The following THADA variants were observed in gnomAD, a reference collection of about 807,000 sequenced individuals.
THADA encodes THADA armadillo repeat containing.
Under a neutral mutation model 219.8 loss-of-function variants are expected in THADA, and 213 were observed. That is an observed-to-expected ratio of 0.97 (90% CI 0.87 to 1.09). The LOEUF is 1.09. THADA is among the 50% of genes least tolerant of loss of function. The pLI, the probability that THADA is intolerant of heterozygous loss-of-function variation, is 0.00. For missense variants in THADA, 2,956 were observed against 2,311.3 expected (o/e 1.28, Z -5.72); for synonymous variants, 1,018 against 828.9 (o/e 1.23, Z -3.92).
intron 25 of THADA, among the ~76,000 whole-genome samples, chr2:43,487,323 T>C (rs754753273): frequency 3.9e-5 from 6 of 152,198 alleles, no homozygotes; most frequent in Non-Finnish European, 7.3e-5. Context: ...GACTCCATCT[T>C]GCCCTAAGCC....
chr2:43,282,989 T>C (rs1010527079), intron 35 of THADA, among the ~76,000 whole-genome samples: 3 of 152,162 alleles, frequency 2.0e-5, no homozygotes, highest in African/African-American at 7.2e-5. Context: ...TCATGTTGAA[T>C]TGGAGTGGAT....
At chr2:43,457,755 G>C (rs1683192463) in intron 26 of THADA, among the ~76,000 whole-genome samples, 1 of 152,048 alleles carries the variant, frequency 6.6e-6, no homozygotes, top group South Asian at 2.1e-4. Flanking sequence ...AATTCAAATT[G>C]TTTTTGCTTC....
At chr2:43,430,106 A>G (rs1404159363) in intron 27 of THADA, 107 bp downstream of exon 27, 1 of 559,322 alleles carries the variant, frequency 1.8e-6, no homozygotes, top group African/African-American at 2.0e-5. Flanking sequence ...AACAAATTTA[A>G]AAAAGGGAAG....
At chr2:43,532,525 G>T (rs1268920166) in intron 21 of THADA, among the ~76,000 whole-genome samples, 1 of 151,010 alleles carries the variant, frequency 6.6e-6, no homozygotes, top group African/African-American at 2.4e-5. Context: ...AATAAATGTA[G>T]AAAAGGCCTT....
At chr2:43,465,218 A>G (rs1376878537) in intron 26 of THADA, among the ~76,000 whole-genome samples, 9 of 152,226 alleles carry the variant, frequency 5.9e-5, no homozygotes, top group African/African-American at 2.2e-4. Context: ...CTACTCAAAG[A>G]GTAAATCTCC....
intron 22 of THADA, among the ~76,000 whole-genome samples, chr2:43,515,355 A>G (rs1310026902): frequency 2.2e-5 from 1 of 45,274 alleles, no homozygotes; most frequent in Non-Finnish European, 3.6e-5. Flanking sequence ...AATATTTTAT[A>G]TATAATATAT....
intron 29 of THADA, among the ~76,000 whole-genome samples, chr2:43,351,960 G>A (rs1027383717): frequency 6.6e-6 from 1 of 152,230 alleles, no homozygotes; most frequent in Admixed American, 6.5e-5. Context: ...TTGGACAGTG[G>A]TGTCAGATAG....
At chr2:43,472,237 C>A (rs911043113) in intron 26 of THADA, among the ~76,000 whole-genome samples, 2 of 152,204 alleles carry the variant, frequency 1.3e-5, no homozygotes, top group African/African-American at 2.4e-5. Context: ...AGGTTAAAAA[C>A]AGGCAAGTAT....
intron 28 of THADA, among the ~76,000 whole-genome samples, chr2:43,422,688 T>C (rs1677866640): frequency 6.6e-6 from 1 of 152,230 alleles, no homozygotes; most frequent in Non-Finnish European, 1.5e-5. Flanking sequence ...TTAAATGTTA[T>C]CTTGATAGTC....
intron 26 of THADA, among the ~76,000 whole-genome samples, chr2:43,461,739 T>A (rs997303086): frequency 6.6e-5 from 10 of 152,248 alleles, no homozygotes; most frequent in Non-Finnish European, 1.2e-4. Context: ...ATCTGTGGCA[T>A]GGCCGATCCA....
At chr2:43,300,033 CAAAA>C (rs538753350) in intron 31 of THADA, among the ~76,000 whole-genome samples, 6 of 83,576 alleles carry the variant, frequency 7.2e-5, no homozygotes, top group Non-Finnish European at 1.3e-4. Context: ...TGTCTCAAGG[CAAAA>C]AAAAAAAAAA....
At chr2:43,291,453 T>A (rs1385473703) in intron 34 of THADA, among the ~76,000 whole-genome samples, 3 of 2,680 alleles carry the variant, frequency 1.1e-3, no homozygotes, top group South Asian at 0.024. Flanking sequence ...AAACTCCATC[T>A]CAAAAAAAAA....
At chr2:43,352,019 A>C (rs1258027512) in intron 29 of THADA, among the ~76,000 whole-genome samples, 1 of 152,244 alleles carries the variant, frequency 6.6e-6, no homozygotes, top group Non-Finnish European at 1.5e-5. Context: ...GAAGAATTTA[A>C]AATTAACTAA....
intron 29 of THADA, among the ~76,000 whole-genome samples, chr2:43,393,740 A>G (rs1338492964): frequency 6.6e-6 from 1 of 152,024 alleles, no homozygotes; most frequent in Non-Finnish European, 1.5e-5. Flanking sequence ...AATTAAGAGC[A>G]ACAGATCACC....
chr2:43,263,104 G>A (rs190782351), intron 36 of THADA, among the ~76,000 whole-genome samples: 108 of 152,174 alleles, frequency 7.1e-4, no homozygotes, highest in African/African-American at 2.5e-3. Context: ...GACACTCCTC[G>A]TGCTGGACTA....
At chr2:43,420,520 G>C (rs1677576638) in intron 28 of THADA, among the ~76,000 whole-genome samples, 1 of 152,180 alleles carries the variant, frequency 6.6e-6, no homozygotes, top group African/African-American at 2.4e-5. Flanking sequence ...ATGGGACTGT[G>C]TGCAGATCAA....
chr2:43,474,627 G>T (rs996148894), intron 26 of THADA, among the ~76,000 whole-genome samples: 1 of 151,976 alleles, frequency 6.6e-6, no homozygotes, highest in Non-Finnish European at 1.5e-5. Context: ...TGGAACCAGC[G>T]GCATAAGAAG....
intron 26 of THADA, 92 bp from the exon 27 acceptor site, chr2:43,430,394 T>G (rs891793815): frequency 4.6e-5 from 30 of 654,688 alleles, no homozygotes; most frequent in Non-Finnish European, 6.7e-5. Context: ...ATAAGTACGG[T>G]TGTTTGGATA....
intron 26 of THADA, among the ~76,000 whole-genome samples, chr2:43,457,106 C>T (rs1683095460): frequency 1.5e-5 from 2 of 134,852 alleles, no homozygotes; most frequent in South Asian, 2.4e-4. Context: ...TGTTCCACAT[C>T]GGTAGAAAAA....
Sources: gnomAD v4.1 joint callset for allele counts (sites outside exome capture counted in the v4.1 genomes callset) on GRCh38, gnomAD v4.1.1 for gene constraint, MANE v1.5 for transcripts, NCBI Gene and HGNC (gene_info 2026-07-23, HGNC 2026-07-21) for gene names.